The following STEAP2 variants were observed in gnomAD, a reference collection of about 807,000 sequenced individuals.
STEAP2 encodes STEAP2 metalloreductase, also known as metalloreductase STEAP2.
A neutral mutation model predicts 46.4 loss-of-function variants in STEAP2; 30 were observed. The ratio of observed to expected loss-of-function variants is 0.65; its 90% confidence interval spans 0.48 to 0.88. The LOEUF (loss-of-function observed/expected upper bound fraction) is 0.88, where lower values mean the gene tolerates loss of function less well. Among genes scored for constraint, STEAP2 ranks in the 40% least tolerant of loss-of-function variants. The pLI is 0.00. For missense variants in STEAP2, 513 were observed against 579.3 expected, an observed-to-expected ratio of 0.89 and a Z score of 1.18; for synonymous variants, 180 against 200.5, an observed-to-expected ratio of 0.90 and a Z score of 0.86.
At chr7:90,224,731 C>T (rs1172793033) in intron 2 of STEAP2, among the ~76,000 whole-genome samples, 1 of 152,194 alleles carries the variant, frequency 6.6e-6, no homozygotes, top group African/African-American at 2.4e-5. Flanking sequence ...CCCTCCAGAA[C>T]TACTCAATCA....
At chr7:90,224,939 A>T in intron 2 of STEAP2, 111 bp from the exon 3 acceptor site, 1 of 859,288 alleles carries the variant, frequency 1.2e-6, no homozygotes, top group Non-Finnish European at 1.8e-6. Flanking sequence ...GCTGTATGTT[A>T]AAGTGTGGTG....
chr7:90,222,532 T>C (rs556719668), intron 2 of STEAP2, among the ~76,000 whole-genome samples: 14 of 152,298 alleles, frequency 9.2e-5, no homozygotes, highest in African/African-American at 3.4e-4. Context: ...CCCTATTTTC[T>C]GTCTTTATGT....
chr7:90,225,011 A>G, intron 2 of STEAP2, 39 bp from the exon 3 acceptor site: 1 of 1,513,686 alleles, frequency 6.6e-7, no homozygotes, highest in Non-Finnish European at 8.9e-7. Context: ...AATGTTCAGT[A>G]ATAGGTAACT....
In STEAP2 at chr7:90,233,313, G is replaced by C; in HGVS notation, c.*689G>C. 1.0e-6 allele frequency: 1 copy of C among 978,594 alleles called. No homozygotes were observed. The highest frequency in any genetic ancestry group is 1.2e-6 in the Non-Finnish European group (1 of 823,924). 60.6% of individuals were successfully genotyped at this position (978,594 alleles called of 1,614,324 possible). A position where few individuals can be genotyped will look rare whatever the true frequency, so the allele number is the denominator to read the frequency against. ...ATTTTATTCTTTATTGTGTTACAGA[G>C]CAGTTTCATTTTCATATTAATATAC... On this transcript the variant is annotated 3_prime_UTR_variant, in exon 6 of 6. Coordinates refer to ENST00000394621, the MANE Select transcript of STEAP2 (RefSeq NM_001244944.2).
At position 90,235,098 on chromosome 7, in the gene STEAP2, A is replaced by G; in HGVS notation, c.*2474A>G. The G allele has an allele frequency of 1.1e-6, 1 of 947,018 alleles. No homozygotes were observed. Among genetic ancestry groups the G allele is most frequent in the Non-Finnish European group, 1.3e-6 (1 of 794,760 alleles). 58.7% of individuals were successfully genotyped at this position (947,018 alleles called of 1,614,324 possible). The stretch of plus-strand genomic sequence containing the variant: ...CTTAATGTGATGAAATATTCCTAAA[A>G]GTTAAATGACTATTAAAGCATATAT... On this transcript the variant is annotated 3_prime_UTR_variant, in exon 6 of 6. Transcript: ENST00000394621.
In STEAP2 at chr7:90,234,079, T is replaced by C. The variant is rs1232169208; in HGVS notation, c.*1455T>C. 1 of 985,290 alleles carries C rather than the reference T, an allele frequency of 1.0e-6. No individual in the cohort carries two copies. The highest frequency in any genetic ancestry group is 6.1e-5 in the Admixed American group (1 of 16,264). 61.0% of individuals were successfully genotyped at this position (985,290 alleles called of 1,614,324 possible). On this transcript the variant is annotated 3_prime_UTR_variant, in exon 6 of 6. Transcript: ENST00000394621. ...ATCTCTGTAGAGTTAGTCTTCTCCT[T>C]TTCTCTTCCTGAGAAGTTCTCCTGC...
chr7:90,216,405 C>T (rs543973320), intron 1 of STEAP2, 86 bp from the exon 2 acceptor site: 6 of 152,172 alleles, frequency 3.9e-5, no homozygotes, highest in East Asian at 1.9e-4. Context: ...GGAAATATTC[C>T]GAATTTTGAA....
chr7:90,228,406 A>AG (rs1795589783), intron 4 of STEAP2, among the ~76,000 whole-genome samples: 1 of 27,746 alleles, frequency 3.6e-5, no homozygotes, highest in Non-Finnish European at 5.5e-5. Context: ...TCACTCCCTG[A>AG]AAAAAAACTT....
intron 2 of STEAP2, among the ~76,000 whole-genome samples, chr7:90,218,563 C>T (rs997891332): frequency 6.6e-6 from 1 of 152,026 alleles, no homozygotes; most frequent in Non-Finnish European, 1.5e-5. Context: ...CCTTTGTTGA[C>T]AATCAGTTGG....
intron 2 of STEAP2, among the ~76,000 whole-genome samples, chr7:90,220,109 C>G (rs189789491): frequency 2.0e-4 from 30 of 152,100 alleles, no homozygotes; most frequent in African/African-American, 6.3e-4. Flanking sequence ...TTTTGTTGAG[C>G]CTTGTTTGCT....
rs1207647677 is a variant in STEAP2 at position 90,234,658 on chromosome 7, C to T, written c.*2034C>T. Reference sequence around the variant, plus strand: ...CTCTGCCTCCCGGGTTCACGCCATTCTCCTGCCTCAGCCTCCCGAGTAGCT... The same window carrying T: ...CTCTGCCTCCCGGGTTCACGCCATTTTCCTGCCTCAGCCTCCCGAGTAGCT... On this transcript the variant is annotated 3_prime_UTR_variant, in exon 6 of 6. Transcript: ENST00000394621. 8 of 588,932 alleles carry T rather than the reference C, an allele frequency of 1.4e-5. No individual in the cohort carries two copies. In the South Asian group the frequency reaches 2.3e-4, roughly 17 times the overall value. 36.5% of individuals were successfully genotyped at this position (588,932 alleles called of 1,614,324 possible).
rs1208973234 is a variant in STEAP2, at chr7:90,225,215, T to C, written c.133T>C (p.Leu45=). The change falls in exon 3 of 6, where the codon TTG becomes CTG. Residue 45 remains leucine, a synonymous_variant. Transcript: ENST00000394621. The part of the protein sequence containing the change: ...VIGSGDFAKS[L]TIRLIRCGYH... ...TGGAAGTGGAGATTTTGCCAAATCCTTGACCATTCGACTTATTAGATGCGG... is the reference window on the plus strand; with the variant it reads ...TGGAAGTGGAGATTTTGCCAAATCCCTGACCATTCGACTTATTAGATGCGG... 6.2e-7 allele frequency: 1 copy of C among 1,613,950 alleles called. No homozygotes were observed. The highest frequency in any genetic ancestry group is 1.3e-5 in the African/African-American group (1 of 74,908).
Position 90,225,473 on chromosome 7 carries a change from G to A in STEAP2, c.391G>A (p.Glu131Lys). Residue 131 changes from glutamate to lysine, a missense_variant, in exon 3 of 6, where the codon GAA becomes AAA. Coordinates refer to ENST00000394621, the MANE Select transcript of STEAP2 (RefSeq NM_001244944.2). ...AAACCAGTACCCAGAATCCAATGCT[G>A]AATATTTGGCTTCATTATTCCCAGA... is the stretch of plus-strand genomic sequence containing the variant. ...RINQYPESNA[E>K]YLASLFPDSL... The A allele has an allele frequency of 6.2e-7, 1 of 1,613,820 alleles. No homozygotes were observed. The highest frequency in any genetic ancestry group is 8.5e-7 in the Non-Finnish European group (1 of 1,179,908).
intron 2 of STEAP2, among the ~76,000 whole-genome samples, chr7:90,219,267 C>T (rs79604775): frequency 6.6e-6 from 1 of 151,962 alleles, no homozygotes; most frequent in Admixed American, 6.6e-5. Context: ...AGTTTGGGTA[C>T]CTTTTATTCT....
At position 90,233,461 on chromosome 7, in the gene STEAP2, A is replaced by AATC; in HGVS notation, c.*838_*840dup. 2.0e-6 allele frequency: 2 copies of AATC among 985,430 alleles called. No individual in the cohort carries two copies. The highest frequency in any genetic ancestry group is 2.4e-6 in the Non-Finnish European group (2 of 829,938). The allele number at this position is 985,430 out of a possible 1,614,324, so 61.0% of individuals were successfully genotyped here. A position where few individuals can be genotyped will look rare whatever the true frequency, so the allele number is the denominator to read the frequency against. ...AAAAGTATCAAGTTTGCACACAAGT[A>AATC]ATCTGCCAGCTGACCTTTGTCGCAC... On this transcript the variant is annotated 3_prime_UTR_variant, in exon 6 of 6. Transcript: ENST00000394621.
At position 90,211,857 on chromosome 7, in the gene STEAP2, C is replaced by G. The variant is rs1005855362; in HGVS notation, c.-335C>G. On this transcript the variant is annotated 5_prime_UTR_variant, in exon 1 of 6. Coordinates refer to ENST00000394621, the MANE Select transcript of STEAP2 (RefSeq NM_001244944.2). ...CCTCCTTCCTTCTCCCCTGGCTGTT[C>G]GCGATCCAGCTTGGGTAGGCGGGGA... is the stretch of plus-strand genomic sequence containing the variant. 6.6e-6 allele frequency: 1 copy of G among 152,408 alleles called. No homozygotes were observed. The highest frequency in any genetic ancestry group is 1.5e-5 in the Non-Finnish European group (1 of 68,194). 9.4% of individuals were successfully genotyped at this position (152,408 alleles called of 1,614,324 possible).
At chr7:90,216,034 C>G (rs1562800587) in intron 1 of STEAP2, 2 of 152,216 alleles carry the variant, frequency 1.3e-5, no homozygotes, top group Admixed American at 6.5e-5. Flanking sequence ...TTCGGCCTCC[C>G]AAAGTGCTGA....
At chr7:90,238,063 C>T (rs1317832613), downstream of STEAP2, 4 of 717,396 alleles carry the variant, frequency 5.6e-6, no homozygotes, top group African/African-American at 1.7e-5. Context: ...TGCCTACATC[C>T]TCTTGCCTCT....
rs1752920557 is a variant in STEAP2, at chr7:90,233,013, A to T, written c.*389A>T. The T allele has an allele frequency of 3.1e-6, 3 of 965,522 alleles. No homozygotes were observed. The highest frequency in any genetic ancestry group is 1.1e-4 in the East Asian group (1 of 8,758). The allele number at this position is 965,522 out of a possible 1,614,324, so 59.8% of individuals were successfully genotyped here. A position where few individuals can be genotyped will look rare whatever the true frequency, so the allele number is the denominator to read the frequency against. ...TTCAATGGATATACATTTTTTTCTG[A>T]AGATTAAGATTTTAATTATTCAACT... On this transcript the variant is annotated 3_prime_UTR_variant, in exon 6 of 6. Coordinates refer to ENST00000394621, the MANE Select transcript of STEAP2 (RefSeq NM_001244944.2).
Sources: allele counts gnomAD v4.1 joint callset (sites outside exome capture counted in the v4.1 genomes callset), GRCh38; gene constraint gnomAD v4.1.1; transcripts MANE v1.5; gene names NCBI Gene and HGNC (gene_info 2026-07-23, HGNC 2026-07-21).